The following PAIP1 variants were observed in gnomAD, a reference collection of about 807,000 sequenced individuals.
PAIP1 encodes poly(A) binding protein interacting protein 1, also known as polyadenylate-binding protein-interacting protein 1.
Under a neutral mutation model 61.3 loss-of-function variants are expected in PAIP1, and 16 were observed. That is an observed-to-expected ratio of 0.26 (90% CI 0.18 to 0.40). The LOEUF (loss-of-function observed/expected upper bound fraction) is 0.40. Ranked by LOEUF, PAIP1 falls within the 10% of genes least tolerant of loss-of-function variation. The pLI, the probability that PAIP1 is intolerant of heterozygous loss-of-function variation, is 1.00. For missense variants in PAIP1, 416 were observed against 600.9 expected (o/e 0.69, Z 3.22); for synonymous variants, 187 against 226.2 (o/e 0.83, Z 1.56).
At chr5:43,552,400 A>G (rs1359169747) in intron 2 of PAIP1, among the ~76,000 whole-genome samples, 1 of 152,238 alleles carries the variant, frequency 6.6e-6, no homozygotes, top group Non-Finnish European at 1.5e-5. Flanking sequence ...CCTAGAGTTC[A>G]CTAGAGTTCA....
intron 2 of PAIP1, among the ~76,000 whole-genome samples, chr5:43,555,420 A>T (rs1012923752): frequency 6.6e-6 from 1 of 152,250 alleles, no homozygotes. Flanking sequence ...TTGTACGGCT[A>T]TTTAAGAAAA....
chr5:43,553,236 A>G (rs1747931681), intron 2 of PAIP1, among the ~76,000 whole-genome samples: 1 of 152,214 alleles, frequency 6.6e-6, no homozygotes, highest in Admixed American at 6.5e-5. Context: ...ACTGGTAAGA[A>G]GACATGGAAA....
rs1748050657 is a variant in PAIP1 at position 43,556,069 on chromosome 5, A to C, written c.266-70T>G. The stretch of plus-strand genomic sequence containing the variant: ...TGTACAGCAACTTGCTATATACTGA[A>C]AAACCATCTGAAAAGCGTCTGTTTT... On this transcript the variant is annotated intron_variant, in intron 1 of 10. Coordinates refer to ENST00000306846, the MANE Select transcript of PAIP1 (RefSeq NM_006451.5). 5.2e-6 allele frequency: 8 copies of C among 1,527,270 alleles called. No individual in the cohort carries two copies. In the Admixed American group the frequency reaches 1.7e-4, roughly 33 times the overall value. 94.6% of individuals were successfully genotyped at this position (1,527,270 alleles called of 1,614,324 possible). A position where few individuals can be genotyped will look rare whatever the true frequency, so the allele number is the denominator to read the frequency against.
At chr5:43,557,134 C>A, upstream of PAIP1, 1 of 377,234 alleles carries the variant, frequency 2.7e-6, no homozygotes, top group Non-Finnish European at 4.3e-6. Context: ...GCAGGCGGGT[C>A]ACAGCGGCCC....
At chr5:43,537,926 G>A (rs748889508) in intron 5 of PAIP1, among the ~76,000 whole-genome samples, 4 of 150,682 alleles carry the variant, frequency 2.7e-5, no homozygotes, top group Non-Finnish European at 5.9e-5. Context: ...CCCGGGAGGC[G>A]GAGGTTGTAG....
At position 43,536,812 on chromosome 5, in the gene PAIP1, A is replaced by AACCTACCTT. The variant is rs763327048; in HGVS notation, c.970_972+6dup. 2 of 1,444,652 alleles carry AACCTACCTT rather than the reference A, an allele frequency of 1.4e-6. No individual in the cohort carries two copies. Among genetic ancestry groups the AACCTACCTT allele is most frequent in the African/African-American group, 2.9e-5 (2 of 69,526 alleles). 89.5% of individuals were successfully genotyped at this position (1,444,652 alleles called of 1,614,324 possible). On this transcript the variant is annotated splice_region_variant and intron_variant, in intron 6 of 10. Coordinates refer to ENST00000306846, the MANE Select transcript of PAIP1 (RefSeq NM_006451.5). The stretch of plus-strand genomic sequence containing the variant: ...GTAAATTAGTTAAATTAAAAAAAAA[A>AACCTACCTT]ACCTACCTTTAACAATTTTACTGCA...
rs1170932500 is a variant in PAIP1, at chr5:43,556,852, T to TCCTCCTCCG, written c.-15_-7dup. 7 of 1,425,006 alleles carry TCCTCCTCCG rather than the reference T, an allele frequency of 4.9e-6. No individual in the cohort carries two copies. The highest frequency in any genetic ancestry group is 3.1e-5 in the Admixed American group (1 of 31,936). 88.3% of individuals were successfully genotyped at this position (1,425,006 alleles called of 1,614,324 possible). ...CGATCGAAACCGTCCGACATGCTCC[T>TCCTCCTCCG]CCTCCTCCGCCTCCTCCTCCAGGGG... On this transcript the variant is annotated 5_prime_UTR_variant, in exon 1 of 11. Coordinates refer to ENST00000306846, the MANE Select transcript of PAIP1 (RefSeq NM_006451.5).
At chr5:43,537,584 C>T (rs1747203344) in intron 5 of PAIP1, among the ~76,000 whole-genome samples, 1 of 152,168 alleles carries the variant, frequency 6.6e-6, no homozygotes, top group Non-Finnish European at 1.5e-5. Context: ...CTGAGATGCA[C>T]ATTTGATAGA....
At chr5:43,536,522 G>C (rs1331406017) in intron 6 of PAIP1, among the ~76,000 whole-genome samples, 1 of 152,006 alleles carries the variant, frequency 6.6e-6, no homozygotes, top group East Asian at 1.9e-4. Context: ...AAAACAAAAA[G>C]CCAGAACAGA....
intron 2 of PAIP1, among the ~76,000 whole-genome samples, chr5:43,554,080 G>C (rs932259894): frequency 6.6e-6 from 1 of 152,224 alleles, no homozygotes; most frequent in African/African-American, 2.4e-5. Context: ...TGATCTATTA[G>C]AGGATGGCAA....
intron 2 of PAIP1, among the ~76,000 whole-genome samples, chr5:43,549,561 T>C (rs1747781278): frequency 6.6e-6 from 1 of 152,144 alleles, no homozygotes; most frequent in Admixed American, 6.5e-5. Flanking sequence ...ATTCTGAGGC[T>C]TTCCCAGCCT....
upstream of PAIP1, chr5:43,557,204 C>A: frequency 5.4e-6 from 1 of 185,448 alleles, no homozygotes; most frequent in Non-Finnish European, 1.1e-5. Context: ...GGCTGGCCGG[C>A]CGCCGGGCCC....
intron 2 of PAIP1, among the ~76,000 whole-genome samples, chr5:43,552,317 A>G (rs1486874877): frequency 6.6e-6 from 1 of 152,174 alleles, no homozygotes; most frequent in Non-Finnish European, 1.5e-5. Context: ...TAATTCTTAC[A>G]CTGTGTATAG....
intron 10 of PAIP1, among the ~76,000 whole-genome samples, chr5:43,528,595 C>T (rs1192179018): frequency 6.6e-6 from 1 of 151,968 alleles, no homozygotes; most frequent in East Asian, 1.9e-4. Context: ...TCCTTAAATC[C>T]CTGTATTTTT....
At chr5:43,533,014 C>T (rs1485637702) in intron 9 of PAIP1, among the ~76,000 whole-genome samples, 1 of 152,152 alleles carries the variant, frequency 6.6e-6, no homozygotes, top group Admixed American at 6.5e-5. Flanking sequence ...CATAATCATG[C>T]TAGAAAACAA....
At chr5:43,551,276 G>A (rs1292921839) in intron 2 of PAIP1, among the ~76,000 whole-genome samples, 1 of 151,796 alleles carries the variant, frequency 6.6e-6, no homozygotes, top group Non-Finnish European at 1.5e-5. Flanking sequence ...TCAAAATAAA[G>A]GACAAAAGCT....
intron 3 of PAIP1, among the ~76,000 whole-genome samples, chr5:43,543,754 A>T (rs1037543433): frequency 6.6e-6 from 1 of 152,190 alleles, no homozygotes; most frequent in Non-Finnish European, 1.5e-5. Flanking sequence ...ATATAACTGA[A>T]GCAGTGTTCA....
Position 43,555,952 on chromosome 5 carries a change from G to C in PAIP1, c.313C>G (p.Pro105Ala). ...RAPPSSQDKI[P>A]QQNSESAMAK... ...ATTGCTGACTCCGAGTTCTGCTGTGGGATTTTATCCTGTGAACTAGGTGGA... is the reference window on the plus strand; with the variant it reads ...ATTGCTGACTCCGAGTTCTGCTGTGCGATTTTATCCTGTGAACTAGGTGGA... The change falls in exon 2 of 11, where the codon CCA becomes GCA. Residue 105 changes from proline (P) to alanine (A), a missense_variant. Physicochemically the swap from Pro to Ala is conservative, Grantham distance 27. Coordinates refer to ENST00000306846, the MANE Select transcript of PAIP1 (RefSeq NM_006451.5). 5.0e-6 allele frequency: 8 copies of C among 1,614,060 alleles called. No homozygotes were observed. Among genetic ancestry groups the C allele is most frequent in the Non-Finnish European group, 6.8e-6 (8 of 1,179,978 alleles).
intron 9 of PAIP1, among the ~76,000 whole-genome samples, chr5:43,532,973 C>G (rs528641496): frequency 6.6e-6 from 1 of 152,268 alleles, no homozygotes; most frequent in Admixed American, 6.5e-5. Flanking sequence ...AGCAGGAACC[C>G]TCATGTGCTG....
Sources: gnomAD v4.1 joint callset for allele counts (sites outside exome capture counted in the v4.1 genomes callset) on GRCh38, gnomAD v4.1.1 for gene constraint, MANE v1.5 for transcripts, NCBI Gene and HGNC (gene_info 2026-07-23, HGNC 2026-07-21) for gene names.